IMMP1L: variants seen among roughly 807,000 people sequenced by gnomAD.
IMMP1L encodes the protein mitochondrial inner membrane protease subunit 1.
IMMP1L carries 24 observed loss-of-function variants against 21.8 expected under a neutral mutation model. The ratio of observed to expected loss-of-function variants is 1.10; its 90% CI spans 0.80 to 1.55. The LOEUF (loss-of-function observed/expected upper bound fraction) is 1.55, where lower values mean the gene tolerates loss of function less well. Among genes scored for constraint, IMMP1L ranks in the 40% most tolerant of loss-of-function variants. The pLI is 0.00. For synonymous variants in IMMP1L, 46 were observed against 62.8 expected (o/e 0.73, Z 1.26); for missense variants, 195 against 200.7 (o/e 0.97, Z 0.17).
At chr11:31,469,556 G>C (rs764433627) in intron 1 of IMMP1L, among the ~76,000 whole-genome samples, 7 of 152,172 alleles carry the variant, frequency 4.6e-5, no homozygotes, top group Non-Finnish European at 1.0e-4. Context: ...GGAGAAAGTA[G>C]TAAGACTGAA....
intron 5 of IMMP1L, among the ~76,000 whole-genome samples, chr11:31,432,846 TTTC>T (rs752677500): frequency 1.3e-5 from 2 of 152,194 alleles, no homozygotes; most frequent in African/African-American, 2.4e-5. Context: ...TGGTCTGTGT[TTTC>T]TTTTACTACT....
At chr11:31,481,828 A>T (rs1365032096) in intron 1 of IMMP1L, among the ~76,000 whole-genome samples, 2 of 151,124 alleles carry the variant, frequency 1.3e-5, no homozygotes, top group African/African-American at 4.9e-5. Flanking sequence ...CCCTCAATTT[A>T]AAAAAAAAGG....
intron 2 of IMMP1L, among the ~76,000 whole-genome samples, chr11:31,461,661 C>CTTCA (rs1480610376): frequency 2.0e-5 from 3 of 152,090 alleles, no homozygotes; most frequent in African/African-American, 7.2e-5. Flanking sequence ...ATAACATTAC[C>CTTCA]TTCAGGCTAT....
At chr11:31,490,074 A>C (rs1418303582) in intron 1 of IMMP1L, among the ~76,000 whole-genome samples, 1 of 152,190 alleles carries the variant, frequency 6.6e-6, no homozygotes, top group Non-Finnish European at 1.5e-5. Context: ...ATAAAGAGGT[A>C]ATTTAGGATC....
At chr11:31,435,786 T>A (rs920739970) in intron 4 of IMMP1L, among the ~76,000 whole-genome samples, 1 of 152,204 alleles carries the variant, frequency 6.6e-6, no homozygotes, top group Non-Finnish European at 1.5e-5. Flanking sequence ...TATTCCCAGT[T>A]TCTCATTTCT....
At chr11:31,458,540 T>C (rs1314242065) in intron 3 of IMMP1L, among the ~76,000 whole-genome samples, 5 of 152,140 alleles carry the variant, frequency 3.3e-5, no homozygotes, top group Non-Finnish European at 7.4e-5. Context: ...TGCAAACTTT[T>C]ATTCTTGCCT....
chr11:31,459,884 C>T (rs188939342), intron 3 of IMMP1L, among the ~76,000 whole-genome samples: 5 of 152,214 alleles, frequency 3.3e-5, no homozygotes, highest in African/African-American at 7.2e-5. Context: ...GGGCTGGGCA[C>T]GGTGGCTCAC....
chr11:31,465,891 A>G (rs376045777), intron 1 of IMMP1L, among the ~76,000 whole-genome samples: 1 of 152,092 alleles, frequency 6.6e-6, no homozygotes, highest in East Asian at 1.9e-4. Context: ...TGGCTAAGAA[A>G]TCAAAAGAAC....
At chr11:31,472,417 A>G (rs1233768863) in intron 1 of IMMP1L, among the ~76,000 whole-genome samples, 1 of 152,220 alleles carries the variant, frequency 6.6e-6, no homozygotes. Flanking sequence ...AAGTTCTCCA[A>G]GTGACTGCTC....
chr11:31,486,823 C>T (rs188184328), intron 1 of IMMP1L, among the ~76,000 whole-genome samples: 3 of 151,760 alleles, frequency 2.0e-5, no homozygotes, highest in Admixed American at 6.6e-5. Flanking sequence ...AAAGAATACA[C>T]GATTCATAAA....
intron 4 of IMMP1L, among the ~76,000 whole-genome samples, chr11:31,446,869 C>T (rs186479130): frequency 1.9e-3 from 294 of 152,288 alleles, no homozygotes; most frequent in African/African-American, 6.5e-3. Context: ...TTAACTATAA[C>T]CTCCTAAAGT....
In IMMP1L at chr11:31,432,407, G is replaced by T. The variant is rs1033498723; in HGVS notation, c.*93C>A. ...AATTAAAAACAACTAAAACTGAATAGCAAATAGTTTATTGGTAAGTACACG... is the reference window on the plus strand; with the variant it reads ...AATTAAAAACAACTAAAACTGAATATCAAATAGTTTATTGGTAAGTACACG... On this transcript the variant is annotated 3_prime_UTR_variant, in exon 6 of 6. Transcript: ENST00000532287. The T allele has an allele frequency of 2.4e-6, 2 of 823,916 alleles. No individual in the cohort carries two copies. Among genetic ancestry groups the T allele is most frequent in the Admixed American group, 4.3e-5 (2 of 46,250 alleles). The allele number at this position is 823,916 out of a possible 1,614,324, so 51.0% of individuals were successfully genotyped here. A position where few individuals can be genotyped will look rare whatever the true frequency, so the allele number is the denominator to read the frequency against.
intron 1 of IMMP1L, among the ~76,000 whole-genome samples, chr11:31,497,724 A>C (rs945136126): frequency 7.2e-5 from 11 of 152,184 alleles, no homozygotes; most frequent in Admixed American, 5.2e-4. Flanking sequence ...TGTTGGGATT[A>C]CAGGCGTGAG....
intron 1 of IMMP1L, among the ~76,000 whole-genome samples, chr11:31,470,820 G>A (rs960650667): frequency 2.0e-5 from 3 of 152,132 alleles, no homozygotes; most frequent in Non-Finnish European, 4.4e-5. Flanking sequence ...TGTCAAACAA[G>A]GCAACATGTA....
intron 1 of IMMP1L, among the ~76,000 whole-genome samples, chr11:31,487,429 T>C (rs946630837): frequency 6.6e-6 from 1 of 152,096 alleles, no homozygotes; most frequent in Non-Finnish European, 1.5e-5. Flanking sequence ...AAAAATACAA[T>C]AGCTTAGCCC....
chr11:31,488,868 G>A (rs940040852), intron 1 of IMMP1L, among the ~76,000 whole-genome samples: 31 of 151,444 alleles, frequency 2.0e-4, no homozygotes, highest in African/African-American at 6.5e-4. Flanking sequence ...AAGAAAATAA[G>A]TTTTATTTTT....
intron 5 of IMMP1L, 54 bp downstream of exon 5, chr11:31,433,406 G>C: frequency 9.7e-7 from 1 of 1,034,250 alleles, no homozygotes; most frequent in Non-Finnish European, 1.4e-6. Context: ...CATTTTGAGA[G>C]AAACTTTTTC....
chr11:31,487,462 C>T (rs1003040007), intron 1 of IMMP1L, among the ~76,000 whole-genome samples: 4 of 152,096 alleles, frequency 2.6e-5, no homozygotes, highest in Admixed American at 2.6e-4. Flanking sequence ...AAACACACTT[C>T]TGACTTTCAC....
chr11:31,506,820 C>T (rs1955791999), intron 1 of IMMP1L, among the ~76,000 whole-genome samples: 1 of 151,058 alleles, frequency 6.6e-6, no homozygotes. Flanking sequence ...ATTAGCTGGG[C>T]ATGGTGGTGC....
Sources: allele counts gnomAD v4.1 joint callset (sites outside exome capture counted in the v4.1 genomes callset), GRCh38; gene constraint gnomAD v4.1.1; transcripts MANE v1.5; gene names NCBI Gene and HGNC (gene_info 2026-07-23, HGNC 2026-07-21).